SDCCAG8: variants seen among roughly 807,000 people sequenced by gnomAD.
SDCCAG8 encodes serologically defined colon cancer antigen 8.
Under a neutral mutation model 101.8 loss-of-function variants are expected in SDCCAG8, and 74 were observed. The observed-to-expected ratio is 0.73, with a 90% confidence interval of 0.60 to 0.88. SDCCAG8 has a LOEUF of 0.88. Ranked by LOEUF, SDCCAG8 falls within the 40% of genes least tolerant of loss-of-function variation. The pLI is 0.00. For synonymous variants in SDCCAG8, 281 were observed against 292.9 expected (o/e 0.96, Z 0.41); for missense variants, 787 against 822.6 (o/e 0.96, Z 0.53).
intron 16 of SDCCAG8, among the ~76,000 whole-genome samples, chr1:243,449,906 C>A (rs1281907156): frequency 1.3e-5 from 2 of 152,172 alleles, no homozygotes; most frequent in Non-Finnish European, 2.9e-5. Context: ...TTTTCCACTT[C>A]AATAAATGGC....
chr1:243,290,331 G>GA (rs1439483556), intron 5 of SDCCAG8, among the ~76,000 whole-genome samples: 1 of 151,722 alleles, frequency 6.6e-6, no homozygotes, highest in Non-Finnish European at 1.5e-5. Flanking sequence ...AACTATCTGT[G>GA]AAAGAACAAA....
rs533956241 is a variant in SDCCAG8 at position 243,468,725 on chromosome 1, G to A, written c.1986-20289G>A. On this transcript the variant is annotated intron_variant, in intron 16 of 17. Transcript: ENST00000366541. ...TAATAAAAATAAAATGGCTGACAAA[G>A]CATTTAGTACAGTAACTGCACATAG... Among the ~76,000 whole-genome samples the A allele has an allele frequency of 6.6e-5, 10 of 152,264 alleles. No homozygotes were observed. In the South Asian group the frequency reaches 1.9e-3, roughly 28 times the overall value.
At position 243,425,247 on chromosome 1, in the gene SDCCAG8, G is replaced by A. The variant is rs6681636; in HGVS notation, c.1854-1180G>A. Among the ~76,000 whole-genome samples, 849 of 152,154 alleles carry A rather than the reference G, an allele frequency of 5.6e-3. 8 individuals carry two copies. The highest frequency in any genetic ancestry group is 0.019 in the African/African-American group (802 of 41,536). ...AATTATAAGCTAATGTATGCATAAA[G>A]GCTAGAGGTAGCTTCAAAAAACGTG... On this transcript the variant is annotated intron_variant, in intron 15 of 17. Transcript: ENST00000366541.
At chr1:243,437,896 C>G (rs1481115497) in intron 16 of SDCCAG8, among the ~76,000 whole-genome samples, 1 of 152,152 alleles carries the variant, frequency 6.6e-6, no homozygotes, top group Non-Finnish European at 1.5e-5. Flanking sequence ...CTTTTGCCCT[C>G]CCTCAGTGAC....
intron 9 of SDCCAG8, among the ~76,000 whole-genome samples, chr1:243,330,185 A>G (rs2074484997): frequency 6.6e-6 from 1 of 152,176 alleles, no homozygotes; most frequent in Non-Finnish European, 1.5e-5. Context: ...ATACTTACGT[A>G]TTTCGTGTAG....
chr1:243,267,388 CG>C (rs1186814456), intron 1 of SDCCAG8: 1 of 260,394 alleles, frequency 3.8e-6, no homozygotes, highest in Non-Finnish European at 7.6e-6. Context: ...CACCTGAGGT[CG>C]GGAGTTTGAG....
chr1:243,266,722 G>A (rs1186885775), intron 1 of SDCCAG8, among the ~76,000 whole-genome samples: 6 of 143,602 alleles, frequency 4.2e-5, no homozygotes, highest in South Asian at 2.1e-4. Context: ...TTGGGAGGCC[G>A]AGGTGTATTT....
intron 13 of SDCCAG8, among the ~76,000 whole-genome samples, chr1:243,384,690 C>A (rs576703257): frequency 6.6e-6 from 1 of 151,994 alleles, no homozygotes; most frequent in Non-Finnish European, 1.5e-5. Flanking sequence ...CACCTGCAGT[C>A]CCAGAAACTT....
At chr1:243,398,261 C>T (rs59475322) in intron 13 of SDCCAG8, among the ~76,000 whole-genome samples, 1,807 of 152,088 alleles carry the variant, frequency 0.012, 29 homozygotes, top group African/African-American at 0.04. Context: ...GTCTGTGATT[C>T]GTGGCATGCT....
intron 16 of SDCCAG8, among the ~76,000 whole-genome samples, chr1:243,442,614 A>T (rs2082618254): frequency 1.9e-5 from 2 of 105,184 alleles, no homozygotes; most frequent in South Asian, 5.3e-4. Flanking sequence ...AAAGAACATT[A>T]AAAAAAAAAA....
Position 243,378,835 on chromosome 1 carries a change from G to T in SDCCAG8, c.1588G>T (p.Glu530Ter). The change falls in exon 13 of 18, where the codon GAA becomes TAA. Residue 530 changes from glutamate to a stop codon, truncating the protein, a stop_gained. Transcript: ENST00000366541. LOFTEE classifies it high-confidence loss of function. The part of the protein sequence containing the change: ...ECLRLTELLG[E>*]SEHQLHLTRQ... ...CCTGAGACTAACAGAACTGCTGGGC[G>T]AATCTGAGCACCAACTGCACCTCAC... The T allele has an allele frequency of 5.6e-6, 9 of 1,614,066 alleles. No individual in the cohort carries two copies. Among genetic ancestry groups the T allele is most frequent in the Non-Finnish European group, 6.8e-6 (8 of 1,179,966 alleles).
chr1:243,391,598 C>A (rs1350069812), intron 13 of SDCCAG8, among the ~76,000 whole-genome samples: 1 of 152,230 alleles, frequency 6.6e-6, no homozygotes, highest in Non-Finnish European at 1.5e-5. Flanking sequence ...GAGAGAGCCA[C>A]AGGCTGCTTG....
chr1:243,437,296 C>G (rs986892768), intron 16 of SDCCAG8, among the ~76,000 whole-genome samples: 15 of 152,126 alleles, frequency 9.9e-5, no homozygotes, highest in South Asian at 2.1e-4. Context: ...TATTAACATG[C>G]ATTCAGCACT....
rs1425929564 is a variant in SDCCAG8, at chr1:243,497,544, CAGG to C, written c.2113-2208_2113-2206del. Among the ~76,000 whole-genome samples, 6 of 152,230 alleles carry C rather than the reference CAGG, an allele frequency of 3.9e-5. No homozygotes were observed. The East Asian group carries it at 7.7e-4, about 20-fold the overall frequency. On this transcript the variant is annotated intron_variant, in intron 17 of 17. Transcript: ENST00000366541. ...TCACCCCCATGCAGGCCCACGGAAT[CAGG>C]AGGTCACCCGTTTCTGGAACAGCTC...
chr1:243,494,882 A>G (rs998702786), intron 17 of SDCCAG8, among the ~76,000 whole-genome samples: 1 of 151,422 alleles, frequency 6.6e-6, no homozygotes, highest in Non-Finnish European at 1.5e-5. Context: ...TTGCCTTTAA[A>G]AGACTGTAAT....
At chr1:243,492,611 T>TG (rs1553382525) in intron 17 of SDCCAG8, among the ~76,000 whole-genome samples, 4 of 142,644 alleles carry the variant, frequency 2.8e-5, no homozygotes, top group African/African-American at 1.0e-4. Context: ...GCTGTTTTTT[T>TG]TTTTTTTTTT....
chr1:243,307,451 A>G (rs1238539149), intron 7 of SDCCAG8: 1 of 982,204 alleles, frequency 1.0e-6, no homozygotes, highest in African/African-American at 1.7e-5. Context: ...ATCTAACAGT[A>G]ATGTTTTCCT....
intron 5 of SDCCAG8, among the ~76,000 whole-genome samples, chr1:243,291,612 A>G (rs897262848): frequency 1.3e-5 from 2 of 152,250 alleles, no homozygotes; most frequent in African/African-American, 4.8e-5. Context: ...TTTTCTGGAA[A>G]GGCAGAAGAT....
Position 243,416,359 on chromosome 1 carries a change from G to A in SDCCAG8, c.1744+530G>A, listed in dbSNP as rs1220039366. ...ATTAATCGGTTCTTAATTCACTGTCGCAGCTGGATGTAATTCAGTGGCTCC... is the reference window on the plus strand; with the variant it reads ...ATTAATCGGTTCTTAATTCACTGTCACAGCTGGATGTAATTCAGTGGCTCC... On this transcript the variant is annotated intron_variant, in intron 14 of 17. Coordinates refer to ENST00000366541, the MANE Select transcript of SDCCAG8 (RefSeq NM_006642.5). The surrounding 1 kb of genome is among the most constrained non-coding windows in gnomAD (Gnocchi z 4.3). 3.9e-5 allele frequency among the ~76,000 whole-genome samples: 6 copies of A among 152,170 alleles called. No individual in the cohort carries two copies. The South Asian group carries it at 6.2e-4, about 16-fold the overall frequency.
Sources: gnomAD v4.1 joint callset for allele counts (sites outside exome capture counted in the v4.1 genomes callset) on GRCh38, gnomAD v4.1.1 for gene constraint, Gnocchi (gnomAD v3.1) non-coding constraint, MANE v1.5 for transcripts, NCBI Gene and HGNC (gene_info 2026-07-23, HGNC 2026-07-21) for gene names.